The following STPG2 variants were observed in gnomAD, a reference collection of about 807,000 sequenced individuals.
STPG2 encodes sperm-tail PG-rich repeat-containing protein 2.
Under a neutral mutation model 54.2 loss-of-function variants are expected in STPG2, and 56 were observed. The ratio of observed to expected loss-of-function variants is 1.03; its 90% CI spans 0.83 to 1.29. The LOEUF is 1.29. Ranked by LOEUF, STPG2 falls within the 50% of genes most tolerant of loss-of-function variation. The probability of loss-of-function intolerance (pLI) is 0.00; values close to 1 mark genes in which losing one functional copy is unlikely to be tolerated. For missense variants in STPG2, 596 were observed against 544.9 expected (o/e 1.09, Z -0.93); for synonymous variants, 200 against 181.8 (o/e 1.10, Z -0.81).
chr4:98,109,077 T>C, intron 4 of STPG2, 116 bp downstream of exon 4: 1 of 545,736 alleles, frequency 1.8e-6, no homozygotes, highest in South Asian at 4.3e-5. Context: ...ATGTAATACT[T>C]CTTGGAGTTT....
intron 6 of STPG2, among the ~76,000 whole-genome samples, chr4:97,972,961 CT>C (rs149064356): frequency 3.3e-5 from 5 of 152,120 alleles, no homozygotes; most frequent in Non-Finnish European, 7.4e-5. Flanking sequence ...TTGGGTATGT[CT>C]TTTTTAGCAG....
chr4:98,103,602 T>C (rs866353959), intron 5 of STPG2, among the ~76,000 whole-genome samples: 62 of 151,192 alleles, frequency 4.1e-4, no homozygotes, highest in African/African-American at 1.2e-3. Context: ...GATCGTACCA[T>C]TGCACTCCAG....
At chr4:97,791,258 C>T (rs974321279) in intron 9 of STPG2, among the ~76,000 whole-genome samples, 2 of 152,134 alleles carry the variant, frequency 1.3e-5, no homozygotes, top group Non-Finnish European at 2.9e-5. Context: ...GGAATTGTTA[C>T]AATCTCTGAA....
chr4:97,500,771 G>A (rs1174309719), intron 4 of STPG2, among the ~76,000 whole-genome samples: 1 of 152,022 alleles, frequency 6.6e-6, no homozygotes, highest in Non-Finnish European at 1.5e-5. Flanking sequence ...ATTGACCACT[G>A]AATGTAGCCA....
At chr4:98,030,459 C>A (rs925331420) in intron 5 of STPG2, among the ~76,000 whole-genome samples, 1 of 152,162 alleles carries the variant, frequency 6.6e-6, no homozygotes, top group African/African-American at 2.4e-5. Context: ...AATGGCCATA[C>A]TGCCCAAATA....
At chr4:97,538,168 C>G (rs956630678) in intron 4 of STPG2, among the ~76,000 whole-genome samples, 1 of 152,176 alleles carries the variant, frequency 6.6e-6, no homozygotes, top group South Asian at 2.1e-4. Context: ...CAGCTCCTCA[C>G]CAGCAATGGA....
intron 8 of STPG2, among the ~76,000 whole-genome samples, chr4:97,878,004 A>G (rs10011092): frequency 0.58 from 88,652 of 152,126 alleles, 26,403 homozygotes; most frequent in East Asian, 0.74. Context: ...CAAAACAAAG[A>G]GGCTGCAGGC....
intron 10 of STPG2, among the ~76,000 whole-genome samples, chr4:97,562,703 G>C (rs1300946534): frequency 4.6e-5 from 7 of 152,084 alleles, no homozygotes; most frequent in African/African-American, 7.2e-5. Context: ...AGATAATCCT[G>C]TGTTTTTTGT....
intron 1 of STPG2, among the ~76,000 whole-genome samples, chr4:98,137,098 C>T (rs1740153798): frequency 6.6e-6 from 1 of 151,704 alleles, no homozygotes; most frequent in Non-Finnish European, 1.5e-5. Flanking sequence ...AAACTTTATG[C>T]TGTCTATAAG....
At chr4:98,115,971 T>C (rs1739509421) in intron 3 of STPG2, among the ~76,000 whole-genome samples, 1 of 119,704 alleles carries the variant, frequency 8.4e-6, no homozygotes, top group Admixed American at 7.9e-5. Flanking sequence ...GAAAACTACG[T>C]TTTTATATGT....
chr4:97,860,008 G>C (rs934634045), intron 8 of STPG2, among the ~76,000 whole-genome samples: 8 of 152,130 alleles, frequency 5.3e-5, no homozygotes, highest in African/African-American at 1.9e-4. Context: ...CTACGTTCTT[G>C]TTTGCATTGT....
chr4:97,613,437 T>C (rs1454341951), intron 10 of STPG2, among the ~76,000 whole-genome samples: 2 of 151,762 alleles, frequency 1.3e-5, no homozygotes, highest in African/African-American at 4.8e-5. Context: ...ACATGATAAC[T>C]TTATTCTTTG....
downstream of STPG2, among the ~76,000 whole-genome samples, chr4:97,557,432 A>G (rs1414394039): frequency 1.3e-5 from 2 of 152,172 alleles, no homozygotes; most frequent in East Asian, 1.9e-4. Flanking sequence ...TATCATTTCT[A>G]TCTTATCATC....
In STPG2 at chr4:98,019,900, G is replaced by C. The variant is rs1245249724; in HGVS notation, c.613-38582C>G. ...GAGACTTTGCTGAAGTTGCTTATCAGCTTAAGGAGATTTTGGGCTGAGACA... is the reference window on the plus strand; with the variant it reads ...GAGACTTTGCTGAAGTTGCTTATCACCTTAAGGAGATTTTGGGCTGAGACA... On this transcript the variant is annotated intron_variant, in intron 5 of 10. Coordinates refer to ENST00000295268, the MANE Select transcript of STPG2 (RefSeq NM_174952.3). Among the ~76,000 whole-genome samples, 6 of 121,036 alleles carry C rather than the reference G, an allele frequency of 5.0e-5. 1 individual carries two copies. Among genetic ancestry groups the C allele is most frequent in the African/African-American group, 1.3e-4 (4 of 30,286 alleles). The allele number at this position is 121,036 out of a possible 152,430, so 79.4% of individuals were successfully genotyped here.
rs566891110 is a variant in STPG2 at position 98,035,363 on chromosome 4, T to C, written c.613-54045A>G. On this transcript the variant is annotated intron_variant, in intron 5 of 10. Transcript: ENST00000295268. ...ATAGGGAAAAAAAGCTCATTATCAC[T>C]GGTCATTACAGAAATGCAAATCAAA... Among the ~76,000 whole-genome samples the C allele has an allele frequency of 2.6e-3, 392 of 152,320 alleles. 1 individual carries two copies. Among genetic ancestry groups the C allele is most frequent in the Non-Finnish European group, 3.8e-3 (261 of 68,030 alleles).
chr4:97,519,407 T>C (rs911598355), intron 4 of STPG2, among the ~76,000 whole-genome samples: 5 of 151,816 alleles, frequency 3.3e-5, no homozygotes, highest in Non-Finnish European at 7.4e-5. Context: ...GAAAACAGAA[T>C]TGAGATAGTT....
chr4:97,776,631 T>C (rs963050707), intron 9 of STPG2, among the ~76,000 whole-genome samples: 26 of 152,158 alleles, frequency 1.7e-4, no homozygotes, highest in Non-Finnish European at 2.2e-4. Flanking sequence ...AGAAGTGGCA[T>C]TTAATATGGT....
intron 4 of STPG2, among the ~76,000 whole-genome samples, chr4:97,490,615 T>A (rs1328262206): frequency 6.6e-6 from 1 of 151,602 alleles, no homozygotes; most frequent in South Asian, 2.1e-4. Flanking sequence ...TTCACTGTTA[T>A]AATTGAAGTA....
intron 4 of STPG2, among the ~76,000 whole-genome samples, chr4:97,497,729 C>T (rs1730640635): frequency 6.6e-6 from 1 of 151,794 alleles, no homozygotes; most frequent in South Asian, 2.1e-4. Context: ...CTGTTTGCAA[C>T]ACTTTTAGAG....
Sources: allele counts gnomAD v4.1 joint callset (sites outside exome capture counted in the v4.1 genomes callset), GRCh38; gene constraint gnomAD v4.1.1; transcripts MANE v1.5; gene names NCBI Gene and HGNC (gene_info 2026-07-23, HGNC 2026-07-21).